The following ABLIM1 variants were observed in gnomAD, a reference collection of about 807,000 sequenced individuals.
The protein encoded by ABLIM1 is actin-binding LIM protein 1.
Under a neutral mutation model 107.0 loss-of-function variants are expected in ABLIM1, and 40 were observed. The ratio of observed to expected loss-of-function variants is 0.37; its 90% CI spans 0.29 to 0.49. ABLIM1 has a LOEUF of 0.49. ABLIM1 is among the 20% of genes least tolerant of loss of function. The pLI, the probability that ABLIM1 is intolerant of heterozygous loss-of-function variation, is 0.97. For synonymous variants in ABLIM1, 357 were observed against 357.3 expected (o/e 1.00, Z 0.01); for missense variants, 857 against 1,008.5 (o/e 0.85, Z 2.04).
At chr10:114,680,236 T>C (rs2080686594) in intron 1 of ABLIM1, among the ~76,000 whole-genome samples, 1 of 152,192 alleles carries the variant, frequency 6.6e-6, no homozygotes, top group Non-Finnish European at 1.5e-5. Flanking sequence ...CACTTCATCC[T>C]CACAATCTTA....
chr10:114,628,610 C>T (rs2077971848), intron 1 of ABLIM1, among the ~76,000 whole-genome samples: 1 of 152,190 alleles, frequency 6.6e-6, no homozygotes, highest in African/African-American at 2.4e-5. Flanking sequence ...TGTCAGAAAA[C>T]TTCCAGGAAA....
chr10:114,512,976 C>T (rs780480263), intron 6 of ABLIM1, among the ~76,000 whole-genome samples: 7 of 152,114 alleles, frequency 4.6e-5, no homozygotes, highest in Non-Finnish European at 8.8e-5. Flanking sequence ...TACTTATATA[C>T]CAAAACTCGA....
At chr10:114,512,924 GAA>G (rs1328101948) in intron 6 of ABLIM1, among the ~76,000 whole-genome samples, 1 of 151,956 alleles carries the variant, frequency 6.6e-6, no homozygotes, top group African/African-American at 2.4e-5. Flanking sequence ...AAGAGAGAAA[GAA>G]AGAGAGAAAG....
At chr10:114,487,834 A>G in intron 8 of ABLIM1, 124 bp downstream of exon 8, 1 of 1,201,786 alleles carries the variant, frequency 8.3e-7, no homozygotes, top group Non-Finnish European at 1.2e-6. Context: ...CTTTGAACTT[A>G]GTTTGCTATA....
upstream of ABLIM1, among the ~76,000 whole-genome samples, chr10:114,689,977 A>T (rs1340044389): frequency 6.6e-6 from 1 of 152,100 alleles, no homozygotes; most frequent in Non-Finnish European, 1.5e-5. Flanking sequence ...ACTTAACTCA[A>T]CTCTTCAATT....
chr10:114,756,652 T>A (rs2082636648), intron 1 of ABLIM1, among the ~76,000 whole-genome samples: 1 of 152,364 alleles, frequency 6.6e-6, no homozygotes, highest in Non-Finnish European at 1.5e-5. Flanking sequence ...TTATTCTTAA[T>A]GTTTAATATA....
At chr10:114,507,881 C>A (rs2061367065) in intron 6 of ABLIM1, among the ~76,000 whole-genome samples, 1 of 152,132 alleles carries the variant, frequency 6.6e-6, no homozygotes, top group African/African-American at 2.4e-5. Context: ...GGCAGCAGAC[C>A]CCCCTGAGTT....
At chr10:114,581,551 C>T (rs547210320) in intron 2 of ABLIM1, among the ~76,000 whole-genome samples, 10 of 152,292 alleles carry the variant, frequency 6.6e-5, no homozygotes, top group African/African-American at 2.2e-4. Flanking sequence ...TGCTCTCATA[C>T]AGGTTTTAAT....
At chr10:114,463,090 G>T (rs749396071) in intron 12 of ABLIM1, 2 of 1,337,966 alleles carry the variant, frequency 1.5e-6, no homozygotes, top group Non-Finnish European at 9.9e-7. Context: ...GGGTTGGGGC[G>T]GGAGTCGCTG....
intron 4 of ABLIM1, among the ~76,000 whole-genome samples, chr10:114,560,447 G>A (rs2483553): frequency 0.37 from 56,651 of 152,050 alleles, 13,888 homozygotes; most frequent in African/African-American, 0.7. Flanking sequence ...TGTAGCCTCC[G>A]TAACATGAAG....
intron 4 of ABLIM1, among the ~76,000 whole-genome samples, chr10:114,554,718 A>C (rs961143103): frequency 1.3e-5 from 2 of 152,178 alleles, no homozygotes; most frequent in South Asian, 4.1e-4. Flanking sequence ...AGATATAATT[A>C]AGGTGGAAAA....
rs147431411 is a variant in ABLIM1 at position 114,575,029 on chromosome 10, C to T, written c.563+387G>A. Among the ~76,000 whole-genome samples, 361 of 152,174 alleles carry T rather than the reference C, an allele frequency of 2.4e-3. 3 individuals carry two copies. The highest frequency in any genetic ancestry group is 8.3e-3 in the African/African-American group (346 of 41,518). On this transcript the variant is annotated intron_variant, in intron 3 of 22. Transcript: ENST00000533213. ...CAGCCCATGGGACACAGTTTGCCAC[C>T]GCCTATTATAGATGAAAGAGACCAT...
intron 8 of ABLIM1, among the ~76,000 whole-genome samples, chr10:114,475,871 T>A (rs1278294633): frequency 6.6e-6 from 1 of 152,214 alleles, no homozygotes. Flanking sequence ...CTCCCCTCTG[T>A]TGCAGCCATT....
intron 8 of ABLIM1, among the ~76,000 whole-genome samples, chr10:114,482,561 G>A (rs1250480010): frequency 6.6e-6 from 1 of 152,194 alleles, no homozygotes; most frequent in Non-Finnish European, 1.5e-5. Flanking sequence ...GAATCTTAAA[G>A]GTACTGGTGA....
intron 1 of ABLIM1, chr10:114,631,863 C>T: frequency 7.7e-7 from 1 of 1,302,260 alleles, no homozygotes; most frequent in Non-Finnish European, 1.0e-6. Flanking sequence ...GCCATTCCAA[C>T]TTCTGCAACC....
At chr10:114,764,089 A>G (rs2082821476) in intron 1 of ABLIM1, among the ~76,000 whole-genome samples, 1 of 152,226 alleles carries the variant, frequency 6.6e-6, no homozygotes, top group Non-Finnish European at 1.5e-5. Flanking sequence ...CTCCCCAGGT[A>G]TGGAAACTCT....
chr10:114,719,112 G>A (rs989107466), intron 1 of ABLIM1, among the ~76,000 whole-genome samples: 2 of 152,132 alleles, frequency 1.3e-5, no homozygotes, highest in Admixed American at 1.3e-4. Context: ...AGGATAATGT[G>A]AAGCCAATGG....
At chr10:114,651,036 G>A (rs768433852) in intron 1 of ABLIM1, among the ~76,000 whole-genome samples, 4 of 152,160 alleles carry the variant, frequency 2.6e-5, no homozygotes, top group South Asian at 2.1e-4. Flanking sequence ...GAGCAGAGCT[G>A]GACTTTGAAC....
chr10:114,690,282 T>A, intron 1 of ABLIM1: 1 of 1,561,288 alleles, frequency 6.4e-7, no homozygotes, highest in South Asian at 1.1e-5. Context: ...ATCCAACCAC[T>A]CACTCTTGGC....
Sources: allele counts gnomAD v4.1 joint callset (sites outside exome capture counted in the v4.1 genomes callset), GRCh38; gene constraint gnomAD v4.1.1; transcripts MANE v1.5; gene names NCBI Gene and HGNC (gene_info 2026-07-23, HGNC 2026-07-21).